CAP2: variants seen among roughly 807,000 people sequenced by gnomAD.
CAP2 encodes the protein adenylyl cyclase-associated protein 2.
A neutral mutation model predicts 57.7 loss-of-function variants in CAP2; 24 were observed. The observed-to-expected ratio is 0.42, with a 90% CI of 0.30 to 0.58. The LOEUF is 0.58. CAP2 is among the 20% of genes least tolerant of loss of function. CAP2 has a pLI of 0.22. For synonymous variants in CAP2, 194 were observed against 207.2 expected, an observed-to-expected ratio of 0.94 and a Z score of 0.55; for missense variants, 501 against 590.3, an observed-to-expected ratio of 0.85 and a Z score of 1.57.
At chr6:17,429,180 G>A (rs1363600286) in intron 3 of CAP2, among the ~76,000 whole-genome samples, 1 of 152,152 alleles carries the variant, frequency 6.6e-6, no homozygotes, top group African/African-American at 2.4e-5. Context: ...TGAGCCTCTT[G>A]TATTCTGAGG....
intron 3 of CAP2, among the ~76,000 whole-genome samples, chr6:17,433,470 C>T (rs1759795613): frequency 6.6e-6 from 1 of 152,300 alleles, no homozygotes; most frequent in Admixed American, 6.5e-5. Flanking sequence ...CCTCCTTCCT[C>T]ACTCCCTCTT....
chr6:17,524,997 A>G (rs531641313), intron 7 of CAP2, among the ~76,000 whole-genome samples: 10 of 149,884 alleles, frequency 6.7e-5, no homozygotes, highest in Non-Finnish European at 1.2e-4. Flanking sequence ...TTCGTGTTCA[A>G]GCGATTCTCC....
intron 6 of CAP2, among the ~76,000 whole-genome samples, chr6:17,509,679 A>C (rs1450780628): frequency 2.0e-5 from 3 of 152,286 alleles, no homozygotes; most frequent in South Asian, 2.1e-4. Flanking sequence ...CATCTCAAAA[A>C]AAAAAGGAGC....
In CAP2 at chr6:17,479,607, ATT is replaced by A. The variant is rs11336517; in HGVS notation, c.300+16555_300+16556del. Reference sequence around the variant, plus strand: ...AGAAGAGAAAAAGATCTGCTTTTTAATTTTTTTTTTTTTTTTTTTTTTGAGAC... The same window carrying A: ...AGAAGAGAAAAAGATCTGCTTTTTAATTTTTTTTTTTTTTTTTTTTGAGAC... On this transcript the variant is annotated intron_variant, in intron 4 of 12. Transcript: ENST00000229922. Among the ~76,000 whole-genome samples, 728 of 126,426 alleles carry A rather than the reference ATT, an allele frequency of 5.8e-3. 3 individuals carry two copies. The highest frequency in any genetic ancestry group is 0.022 in the African/African-American group (661 of 30,468). 82.9% of individuals were successfully genotyped at this position (126,426 alleles called of 152,430 possible). A position where few individuals can be genotyped will look rare whatever the true frequency, so the allele number is the denominator to read the frequency against.
At chr6:17,494,587 C>T (rs962925419) in intron 4 of CAP2, among the ~76,000 whole-genome samples, 9 of 152,210 alleles carry the variant, frequency 5.9e-5, no homozygotes, top group African/African-American at 1.9e-4. Flanking sequence ...ATCCTCCTCA[C>T]TAGGTTCTAC....
chr6:17,410,005 G>A (rs1759096522), intron 1 of CAP2, among the ~76,000 whole-genome samples: 1 of 152,130 alleles, frequency 6.6e-6, no homozygotes, highest in Non-Finnish European at 1.5e-5. Flanking sequence ...GGCGCATAAT[G>A]AATGTTCCAT....
chr6:17,539,649 G>T (rs538590832), intron 8 of CAP2, among the ~76,000 whole-genome samples, 191 bp downstream of exon 8: 2 of 152,228 alleles, frequency 1.3e-5, no homozygotes, highest in South Asian at 4.2e-4. Context: ...GGGCTCAGGG[G>T]GTCACTGTGT....
chr6:17,436,086 T>TTTCTTTCTTTCCTTCCTTCC (rs778187025), intron 3 of CAP2, among the ~76,000 whole-genome samples: 2 of 133,904 alleles, frequency 1.5e-5, no homozygotes, highest in African/African-American at 2.9e-5. Flanking sequence ...TCTTTCTTTC[T>TTTCTTTCTTTCCTTCCTTCC]TTCCTTCCTT....
chr6:17,462,072 A>T (rs1321734167), intron 3 of CAP2, among the ~76,000 whole-genome samples: 2 of 151,610 alleles, frequency 1.3e-5, no homozygotes, highest in Non-Finnish European at 2.9e-5. Context: ...CACAAAAATT[A>T]ACAAATTAGT....
intron 1 of CAP2, among the ~76,000 whole-genome samples, chr6:17,404,223 A>T (rs1758888851): frequency 6.6e-6 from 1 of 152,128 alleles, no homozygotes; most frequent in South Asian, 2.1e-4. Flanking sequence ...TGTAATCCCC[A>T]CCACTTTGAG....
At chr6:17,495,881 G>A (rs1319932988) in intron 4 of CAP2, among the ~76,000 whole-genome samples, 1 of 152,072 alleles carries the variant, frequency 6.6e-6, no homozygotes, top group Non-Finnish European at 1.5e-5. Context: ...TGTTAGAAGT[G>A]GGGACAGGGC....
intron 1 of CAP2, among the ~76,000 whole-genome samples, chr6:17,419,676 T>G (rs916907113): frequency 2.0e-4 from 30 of 152,040 alleles, no homozygotes; most frequent in African/African-American, 7.2e-4. Context: ...ATGGATACCC[T>G]GCCCCCTCGC....
At chr6:17,489,303 G>A (rs1026843686) in intron 4 of CAP2, among the ~76,000 whole-genome samples, 1 of 152,096 alleles carries the variant, frequency 6.6e-6, no homozygotes, top group African/African-American at 2.4e-5. Flanking sequence ...GTGGTGGCAC[G>A]CGCCTATAAG....
chr6:17,421,721 C>T, intron 2 of CAP2, 45 bp downstream of exon 2: 3 of 1,608,992 alleles, frequency 1.9e-6, no homozygotes, highest in Non-Finnish European at 2.6e-6. Flanking sequence ...TTGTGGGTTA[C>T]TTCATTTTGT....
intron 3 of CAP2, among the ~76,000 whole-genome samples, chr6:17,439,702 T>G (rs1760016236): frequency 6.6e-6 from 1 of 151,554 alleles, no homozygotes; most frequent in Non-Finnish European, 1.5e-5. Context: ...TCGCGTGCAG[T>G]GTTCACAATA....
At chr6:17,537,858 G>A (rs1762809379) in intron 7 of CAP2, among the ~76,000 whole-genome samples, 1 of 152,112 alleles carries the variant, frequency 6.6e-6, no homozygotes, top group African/African-American at 2.4e-5. Context: ...CTTGAGGTCA[G>A]GAGTTCGAGA....
intron 11 of CAP2, among the ~76,000 whole-genome samples, chr6:17,548,439 T>C (rs1763102738): frequency 6.6e-6 from 1 of 151,982 alleles, no homozygotes; most frequent in Non-Finnish European, 1.5e-5. Context: ...GCTATTTTGT[T>C]GCTAGGTGCA....
intron 3 of CAP2, among the ~76,000 whole-genome samples, chr6:17,435,259 T>A (rs1168770014): frequency 8.7e-4 from 61 of 70,286 alleles, no homozygotes; most frequent in African/African-American, 3.3e-3. Flanking sequence ...CTATTCACAA[T>A]AGCAAAGACT....
intron 4 of CAP2, among the ~76,000 whole-genome samples, chr6:17,500,366 T>TTTGG (rs1156736524): frequency 9.7e-6 from 1 of 103,598 alleles, no homozygotes; most frequent in African/African-American, 4.1e-5. Context: ...TATATATATA[T>TTTGG]ATATATATAT....
Sources: gnomAD v4.1 joint callset for allele counts (sites outside exome capture counted in the v4.1 genomes callset) on GRCh38, gnomAD v4.1.1 for gene constraint, MANE v1.5 for transcripts, NCBI Gene and HGNC (gene_info 2026-07-23, HGNC 2026-07-21) for gene names.